The following SNTG1 variants were observed in gnomAD, a reference collection of about 807,000 sequenced individuals.
SNTG1 encodes syntrophin gamma 1.
Under a neutral mutation model 74.7 loss-of-function variants are expected in SNTG1, and 39 were observed. That is an observed-to-expected ratio of 0.52 (90% CI 0.40 to 0.68). The LOEUF (loss-of-function observed/expected upper bound fraction) is 0.68. SNTG1 is among the 30% of genes least tolerant of loss of function. The pLI, the probability that SNTG1 is intolerant of heterozygous loss-of-function variation, is 0.00. For synonymous variants in SNTG1, 254 were observed against 217.1 expected (o/e 1.17, Z -1.49); for missense variants, 685 against 609.5 (o/e 1.12, Z -1.30).
intron 17 of SNTG1, among the ~76,000 whole-genome samples, chr8:50,738,110 A>G (rs1441975343): frequency 2.0e-5 from 3 of 152,144 alleles, no homozygotes; most frequent in African/African-American, 7.2e-5. Context: ...GAAAAGAGGA[A>G]GTCAAATTGT....
chr8:50,285,981 A>G (rs977540408), intron 2 of SNTG1, among the ~76,000 whole-genome samples: 1 of 152,164 alleles, frequency 6.6e-6, no homozygotes, highest in Non-Finnish European at 1.5e-5. Flanking sequence ...TTATGTTTTC[A>G]CAATTGCCAT....
intron 11 of SNTG1, among the ~76,000 whole-genome samples, chr8:50,548,422 G>A (rs886658012): frequency 1.6e-4 from 24 of 152,160 alleles, no homozygotes; most frequent in Non-Finnish European, 2.6e-4. Context: ...GAACAGAAAT[G>A]TGAGAATTCA....
intron 2 of SNTG1, among the ~76,000 whole-genome samples, chr8:50,333,852 G>A (rs570448593): frequency 1.9e-4 from 29 of 152,240 alleles, no homozygotes; most frequent in African/African-American, 6.7e-4. Flanking sequence ...GACTACTAAG[G>A]TAATTCTTAG....
At chr8:50,300,300 C>T (rs2130657241) in intron 2 of SNTG1, among the ~76,000 whole-genome samples, 1 of 152,240 alleles carries the variant, frequency 6.6e-6, no homozygotes, top group South Asian at 2.1e-4. Context: ...GTTAATTAAA[C>T]ACATGCACAT....
At chr8:50,315,298 C>G (rs2090274438) in intron 2 of SNTG1, among the ~76,000 whole-genome samples, 1 of 149,630 alleles carries the variant, frequency 6.7e-6, no homozygotes, top group African/African-American at 2.5e-5. Flanking sequence ...CATTGCTTTA[C>G]TGGAGCTAAT....
intron 18 of SNTG1, among the ~76,000 whole-genome samples, chr8:50,771,350 G>T (rs967641117): frequency 6.6e-6 from 1 of 152,112 alleles, no homozygotes; most frequent in Non-Finnish European, 1.5e-5. Flanking sequence ...ACTGCATTAT[G>T]TCGATGCCCT....
At chr8:50,260,759 A>AT (rs2087148607) in intron 2 of SNTG1, among the ~76,000 whole-genome samples, 1 of 151,508 alleles carries the variant, frequency 6.6e-6, no homozygotes, top group Non-Finnish European at 1.5e-5. Flanking sequence ...AAAAAAAAAA[A>AT]ACAATTAAAA....
intron 1 of SNTG1, among the ~76,000 whole-genome samples, chr8:50,135,312 C>G (rs1202295975): frequency 2.0e-5 from 3 of 152,140 alleles, no homozygotes; most frequent in Non-Finnish European, 2.9e-5. Context: ...AACATTCCAT[C>G]ATGTGGTAAT....
intron 1 of SNTG1, among the ~76,000 whole-genome samples, chr8:49,948,513 C>A (rs1384049261): frequency 6.6e-6 from 1 of 152,184 alleles, no homozygotes; most frequent in Admixed American, 6.5e-5. Flanking sequence ...TAAGATATTT[C>A]TTCAATTTGA....
chr8:50,759,831 C>A (rs2095592768), intron 18 of SNTG1, among the ~76,000 whole-genome samples: 1 of 151,930 alleles, frequency 6.6e-6, no homozygotes, highest in African/African-American at 2.4e-5. Flanking sequence ...TATGTGGGCT[C>A]TTTTTTGGTT....
intron 2 of SNTG1, among the ~76,000 whole-genome samples, chr8:50,347,521 C>T (rs1038525517): frequency 6.6e-6 from 1 of 152,184 alleles, no homozygotes; most frequent in Non-Finnish European, 1.5e-5. Context: ...ATTCCGCAGT[C>T]CATTAGACCA....
At chr8:50,257,311 A>C (rs2086932734) in intron 2 of SNTG1, among the ~76,000 whole-genome samples, 1 of 152,132 alleles carries the variant, frequency 6.6e-6, no homozygotes, top group African/African-American at 2.4e-5. Flanking sequence ...GGAGGAGAAA[A>C]CTAAAAAGGA....
chr8:50,156,822 T>C (rs2082269656), intron 1 of SNTG1, among the ~76,000 whole-genome samples: 1 of 152,110 alleles, frequency 6.6e-6, no homozygotes, highest in South Asian at 2.1e-4. Flanking sequence ...CATCTTGGGC[T>C]ACCACGTCAC....
At chr8:50,183,033 C>G (rs1005645268) in intron 2 of SNTG1, among the ~76,000 whole-genome samples, 3 of 152,146 alleles carry the variant, frequency 2.0e-5, no homozygotes, top group African/African-American at 7.2e-5. Flanking sequence ...CATCCTCTCA[C>G]GGTTTGCCCC....
chr8:50,116,758 T>G (rs1420156282), intron 1 of SNTG1, among the ~76,000 whole-genome samples: 46 of 152,108 alleles, frequency 3.0e-4, no homozygotes, highest in Non-Finnish European at 7.4e-5. Flanking sequence ...GCTTGAGGAG[T>G]GCAGGGGCTG....
At chr8:50,061,361 T>G (rs970538405) in intron 1 of SNTG1, among the ~76,000 whole-genome samples, 3 of 152,162 alleles carry the variant, frequency 2.0e-5, no homozygotes, top group Non-Finnish European at 2.9e-5. Flanking sequence ...AGGATTTGTA[T>G]TAATACAGCC....
intron 2 of SNTG1, among the ~76,000 whole-genome samples, chr8:50,355,144 C>T (rs1246791912): frequency 6.6e-6 from 1 of 152,030 alleles, no homozygotes; most frequent in Non-Finnish European, 1.5e-5. Context: ...AAACATTCTG[C>T]CTGTCAGAGA....
At chr8:50,380,184 A>T (rs1212018709) in intron 2 of SNTG1, among the ~76,000 whole-genome samples, 1 of 152,256 alleles carries the variant, frequency 6.6e-6, no homozygotes, top group African/African-American at 2.4e-5. Context: ...ATGCTTAAAT[A>T]GTTGACTCCA....
intron 12 of SNTG1, among the ~76,000 whole-genome samples, chr8:50,578,192 A>T (rs1486287474): frequency 6.6e-6 from 1 of 152,218 alleles, no homozygotes; most frequent in Non-Finnish European, 1.5e-5. Context: ...GCAGATGGAA[A>T]TGTAGACCCA....
Sources: gnomAD v4.1 joint callset for allele counts (sites outside exome capture counted in the v4.1 genomes callset) on GRCh38, gnomAD v4.1.1 for gene constraint, MANE v1.5 for transcripts, NCBI Gene and HGNC (gene_info 2026-07-23, HGNC 2026-07-21) for gene names.